The following ZNF609 variants were observed in gnomAD, a reference collection of about 807,000 sequenced individuals.
ZNF609 encodes zinc finger protein 609.
A neutral mutation model predicts 109.5 loss-of-function variants in ZNF609; 11 were observed. That is an observed-to-expected ratio of 0.10 (90% CI 0.06 to 0.17). The LOEUF is 0.17. Ranked by LOEUF, ZNF609 falls within the 10% of genes least tolerant of loss-of-function variation. ZNF609 has a pLI of 1.00. For missense variants in ZNF609, 1,559 were observed against 1,772.4 expected (o/e 0.88, Z 2.16); for synonymous variants, 646 against 662.0 (o/e 0.98, Z 0.37).
rs1408573969 is a variant in ZNF609, at chr15:64,613,952, C to CT, written c.748-8873dup. ...TTTCTGATTTTTGTTTTGAGACAGT[C>CT]TTGCTCTATCACCCAGGCTGGAGTG... On this transcript the variant is annotated intron_variant, in intron 2 of 9. Coordinates refer to ENST00000326648, the MANE Select transcript of ZNF609 (RefSeq NM_015042.2). Among the ~76,000 whole-genome samples the CT allele has an allele frequency of 2.0e-5, 3 of 151,874 alleles. No homozygotes were observed. In the East Asian group the frequency reaches 5.8e-4, roughly 29 times the overall value.
rs758694153 is a variant in ZNF609, at chr15:64,646,855, G to A, written c.974-23491G>A. Among the ~76,000 whole-genome samples, 210 of 147,184 alleles carry A rather than the reference G, an allele frequency of 1.4e-3. 1 individual carries two copies. The highest frequency in any genetic ancestry group is 4.5e-3 in the South Asian group (21 of 4,680). ...CTCGGGAGGCTGAGGCAGGAGAATC[G>A]CTTGAACCTGGGAGGCAGAGGTTGC... On this transcript the variant is annotated intron_variant, in intron 3 of 9. Coordinates refer to ENST00000326648, the MANE Select transcript of ZNF609 (RefSeq NM_015042.2).
At chr15:64,523,619 C>T (rs987413147) in intron 2 of ZNF609, among the ~76,000 whole-genome samples, 3 of 151,952 alleles carry the variant, frequency 2.0e-5, no homozygotes, top group African/African-American at 2.4e-5. Context: ...AAAAATTAGC[C>T]AGATGTGGTG....
At chr15:64,563,160 A>G (rs1271417760) in intron 2 of ZNF609, among the ~76,000 whole-genome samples, 1 of 150,786 alleles carries the variant, frequency 6.6e-6, no homozygotes, top group Non-Finnish European at 1.5e-5. Context: ...AAAAACTAAA[A>G]AATTTTAGTC....
chr15:64,598,928 T>TA (rs1895446353), intron 2 of ZNF609, among the ~76,000 whole-genome samples: 1 of 150,606 alleles, frequency 6.6e-6, no homozygotes, highest in African/African-American at 2.4e-5. Flanking sequence ...CTATTGTTTT[T>TA]ACATACTCTT....
chr15:64,596,755 C>G (rs1895404645), intron 2 of ZNF609, among the ~76,000 whole-genome samples: 1 of 152,152 alleles, frequency 6.6e-6, no homozygotes, highest in African/African-American at 2.4e-5. Flanking sequence ...ATAAGAAGTA[C>G]TCAATAATTA....
intron 2 of ZNF609, among the ~76,000 whole-genome samples, chr15:64,557,152 T>C (rs1412933164): frequency 1.3e-5 from 2 of 151,304 alleles, no homozygotes; most frequent in African/African-American, 4.9e-5. Flanking sequence ...TATCTGCCAC[T>C]GAGCAAACCT....
At chr15:64,538,088 A>G (rs921668474) in intron 2 of ZNF609, among the ~76,000 whole-genome samples, 11 of 152,058 alleles carry the variant, frequency 7.2e-5, no homozygotes, top group Non-Finnish European at 1.3e-4. Flanking sequence ...CCTGGGCAAC[A>G]GGAGCAAAAC....
chr15:64,597,766 G>A (rs2055047372), intron 2 of ZNF609, among the ~76,000 whole-genome samples: 1 of 152,084 alleles, frequency 6.6e-6, no homozygotes, highest in Non-Finnish European at 1.5e-5. Flanking sequence ...GCTCTAGGAA[G>A]GTCACAGAGA....
chr15:64,642,257 C>A (rs1896271799), intron 3 of ZNF609, among the ~76,000 whole-genome samples: 1 of 152,108 alleles, frequency 6.6e-6, no homozygotes, highest in Non-Finnish European at 1.5e-5. Context: ...AATCATGGCT[C>A]ACTGCGGCCT....
At chr15:64,608,436 G>T (rs1326407034) in intron 2 of ZNF609, among the ~76,000 whole-genome samples, 3 of 151,924 alleles carry the variant, frequency 2.0e-5, no homozygotes, top group Non-Finnish European at 2.9e-5. Context: ...TTCACCTATT[G>T]TGTTCAGATT....
chr15:64,597,345 G>T (rs186699853), intron 2 of ZNF609, among the ~76,000 whole-genome samples: 29 of 152,222 alleles, frequency 1.9e-4, no homozygotes, highest in African/African-American at 6.7e-4. Context: ...TCAGGGAAAG[G>T]AGGTTACCAC....
At chr15:64,504,402 C>T (rs949546288) in intron 2 of ZNF609, among the ~76,000 whole-genome samples, 1 of 152,178 alleles carries the variant, frequency 6.6e-6, no homozygotes, top group African/African-American at 2.4e-5. Context: ...CATGTTGTTA[C>T]TCTGGGATTC....
intron 1 of ZNF609, among the ~76,000 whole-genome samples, chr15:64,490,980 C>T (rs184728487): frequency 6.6e-6 from 1 of 152,338 alleles, no homozygotes; most frequent in East Asian, 1.9e-4. Context: ...CTCTCCTGTC[C>T]TTAGGTGACA....
chr15:64,500,518 G>T, intron 2 of ZNF609: 1 of 613,584 alleles, frequency 1.6e-6, no homozygotes, highest in Non-Finnish European at 2.9e-6. Context: ...TTGTTTCCCA[G>T]CTTGACTGGC....
rs757386777 is a variant in ZNF609, at chr15:64,670,331, G to A, written c.974-15G>A. 1 of 1,608,142 alleles carries A rather than the reference G, an allele frequency of 6.2e-7. No individual in the cohort carries two copies. The highest frequency in any genetic ancestry group is 1.7e-5 in the Admixed American group (1 of 59,996). On this transcript the variant is annotated splice_polypyrimidine_tract_variant and intron_variant, in intron 3 of 9. Transcript: ENST00000326648. Reference sequence around the variant, plus strand: ...GGGTGTGTCTTGTCTATATCTATGTGCTCTTATTTTCCAGGGATGTTGGTG... The same window carrying A: ...GGGTGTGTCTTGTCTATATCTATGTACTCTTATTTTCCAGGGATGTTGGTG...
chr15:64,666,742 CT>C (rs1232380481), intron 3 of ZNF609, among the ~76,000 whole-genome samples: 2 of 152,002 alleles, frequency 1.3e-5, no homozygotes, highest in Non-Finnish European at 2.9e-5. Context: ...TCTTGGACCC[CT>C]GACCTCAAGT....
intron 2 of ZNF609, among the ~76,000 whole-genome samples, chr15:64,607,765 A>G (rs1435501533): frequency 6.6e-6 from 1 of 151,640 alleles, no homozygotes; most frequent in Non-Finnish European, 1.5e-5. Context: ...TTGGCCCCCC[A>G]AAGTGCTGGG....
chr15:64,655,191 T>C (rs923992136), intron 3 of ZNF609, among the ~76,000 whole-genome samples: 30 of 149,290 alleles, frequency 2.0e-4, no homozygotes, highest in African/African-American at 6.9e-4. Flanking sequence ...AAAAACAGAA[T>C]AGTCCAGGCA....
intron 1 of ZNF609, among the ~76,000 whole-genome samples, chr15:64,465,451 G>A (rs1426720063): frequency 3.3e-5 from 5 of 151,914 alleles, no homozygotes; most frequent in Admixed American, 6.6e-5. Flanking sequence ...GTGCGATCTC[G>A]GCTCACTGCA....
Sources: gnomAD v4.1 joint callset for allele counts (sites outside exome capture counted in the v4.1 genomes callset) on GRCh38, gnomAD v4.1.1 for gene constraint, MANE v1.5 for transcripts, NCBI Gene and HGNC (gene_info 2026-07-23, HGNC 2026-07-21) for gene names.